R3HDM1: variants seen among roughly 807,000 people sequenced by gnomAD.
R3HDM1 encodes the protein R3H domain-containing protein 1.
R3HDM1 carries 46 observed loss-of-function variants against 141.1 expected under a neutral mutation model. The ratio of observed to expected loss-of-function variants is 0.33; its 90% CI spans 0.26 to 0.42. The LOEUF (loss-of-function observed/expected upper bound fraction) is 0.42. R3HDM1 is among the 10% of genes least tolerant of loss of function. R3HDM1 has a pLI of 1.00. For synonymous variants in R3HDM1, 435 were observed against 472.9 expected, an observed-to-expected ratio of 0.92 and a Z score of 1.04; for missense variants, 1,184 against 1,368.3, an observed-to-expected ratio of 0.87 and a Z score of 2.12.
At chr2:135,600,128 T>TG (rs1491429918) in intron 1 of R3HDM1, among the ~76,000 whole-genome samples, 3 of 139,726 alleles carry the variant, frequency 2.1e-5, no homozygotes, top group African/African-American at 8.3e-5. Context: ...TTTTTTTTTT[T>TG]GTAGAGATAG....
chr2:135,591,453 A>T (rs976139121), intron 1 of R3HDM1, among the ~76,000 whole-genome samples: 22 of 152,208 alleles, frequency 1.4e-4, no homozygotes, highest in Non-Finnish European at 2.9e-4. Context: ...AAATAGTCCA[A>T]CACTTGCCAA....
chr2:135,665,094 A>G (rs1486328385), intron 19 of R3HDM1, among the ~76,000 whole-genome samples: 2 of 152,260 alleles, frequency 1.3e-5, no homozygotes, highest in East Asian at 3.8e-4. Context: ...CCAACTGTCA[A>G]TAACTGGAGT....
chr2:135,596,979 TTC>T (rs2059247317), intron 1 of R3HDM1: 2 of 967,646 alleles, frequency 2.1e-6, no homozygotes, highest in Admixed American at 6.2e-5. Flanking sequence ...ACAAATTGTT[TTC>T]TAAAGTGGAT....
chr2:135,641,699 G>A lies in R3HDM1; in HGVS notation c.1383G>A (p.Gly461=), dbSNP rs766146455. 14 of 1,614,096 alleles carry A rather than the reference G, an allele frequency of 8.7e-6. No individual in the cohort carries two copies. Among genetic ancestry groups the A allele is most frequent in the Non-Finnish European group, 1.1e-5 (13 of 1,180,010 alleles). The change falls in exon 15 of 27, where the codon GGG becomes GGA. Residue 461 remains glycine, a synonymous_variant. Coordinates refer to ENST00000683871, the MANE Select transcript of R3HDM1 (RefSeq NM_001378107.1). ...TTTCCTTTGATGGTGGCCTAAATGGGCAAGTCGCATCTCCTAGCACTAGCT... is the reference window on the plus strand; with the variant it reads ...TTTCCTTTGATGGTGGCCTAAATGGACAAGTCGCATCTCCTAGCACTAGCT... ...SSLSFDGGLN[G]QVASPSTSFF...
At chr2:135,594,419 A>T (rs1361648910) in intron 1 of R3HDM1, among the ~76,000 whole-genome samples, 1 of 152,106 alleles carries the variant, frequency 6.6e-6, no homozygotes, top group African/African-American at 2.4e-5. Flanking sequence ...CATCACTCTC[A>T]CTCATTACAA....
intron 2 of R3HDM1, among the ~76,000 whole-genome samples, chr2:135,603,089 C>T (rs1021726847): frequency 2.3e-4 from 35 of 152,152 alleles, no homozygotes; most frequent in Non-Finnish European, 3.5e-4. Context: ...CCAAGCAATT[C>T]TCCTGCCTCA....
At chr2:135,618,506 G>C in intron 5 of R3HDM1, among the ~76,000 whole-genome samples, 1 of 144,952 alleles carries the variant, frequency 6.9e-6, no homozygotes, top group Non-Finnish European at 1.5e-5. Context: ...ATAGGAGATA[G>C]CTGTATGCAT....
At chr2:135,540,363 A>G (rs2104892476) in intron 1 of R3HDM1, among the ~76,000 whole-genome samples, 1 of 152,332 alleles carries the variant, frequency 6.6e-6, no homozygotes, top group Middle Eastern at 3.4e-3. Flanking sequence ...AACTTCACAG[A>G]TGCGTAGGTG....
At chr2:135,631,395 G>A (rs2062698994) in intron 7 of R3HDM1, among the ~76,000 whole-genome samples, 1 of 150,358 alleles carries the variant, frequency 6.7e-6, no homozygotes, top group South Asian at 2.1e-4. Flanking sequence ...TTCCTTCGTT[G>A]TGTGTAAGCA....
intron 1 of R3HDM1, chr2:135,584,301 C>G (rs751817265): frequency 2.8e-5 from 22 of 781,534 alleles, no homozygotes; most frequent in Non-Finnish European, 3.1e-5. Flanking sequence ...GCTCTCCAGC[C>G]TGGGTGACAG....
chr2:135,567,968 T>C (rs927596738), intron 1 of R3HDM1, among the ~76,000 whole-genome samples: 2 of 147,360 alleles, frequency 1.4e-5, no homozygotes, highest in Non-Finnish European at 3.0e-5. Flanking sequence ...ACCAGCCTGG[T>C]CTCGAACTCC....
intron 18 of R3HDM1, among the ~76,000 whole-genome samples, chr2:135,656,911 T>C (rs564341310): frequency 1.5e-4 from 23 of 151,678 alleles, no homozygotes; most frequent in African/African-American, 5.6e-4. Context: ...CTGGCCAACG[T>C]GGCGAAACCC....
chr2:135,661,161 T>C (rs957787403), intron 18 of R3HDM1, 109 bp from the exon 19 acceptor site: 1 of 1,305,526 alleles, frequency 7.7e-7, no homozygotes. Flanking sequence ...AGTTTTCCAA[T>C]GATTAGTGCT....
chr2:135,723,209 C>T (rs1280784777), intron 26 of R3HDM1, among the ~76,000 whole-genome samples: 1 of 151,664 alleles, frequency 6.6e-6, no homozygotes, highest in Non-Finnish European at 1.5e-5. Context: ...GCAACCTCCA[C>T]CTCCCAGGTT....
intron 17 of R3HDM1, chr2:135,650,631 C>G: frequency 2.0e-6 from 2 of 981,580 alleles, no homozygotes; most frequent in Non-Finnish European, 1.2e-6. Flanking sequence ...AATTACAGTT[C>G]ATAGGTACAT....
intron 19 of R3HDM1, chr2:135,669,154 G>T: frequency 3.0e-6 from 3 of 984,572 alleles, no homozygotes; most frequent in Non-Finnish European, 3.6e-6. Context: ...TTATAGTAAG[G>T]CAAGGAAGTG....
chr2:135,535,357 G>A (rs569740259), intron 1 of R3HDM1, among the ~76,000 whole-genome samples: 108 of 152,042 alleles, frequency 7.1e-4, no homozygotes, highest in African/African-American at 2.4e-3. Context: ...AAATTAGTAG[G>A]GCGTGTTGGC....
chr2:135,678,784 A>G (rs2069679106), intron 20 of R3HDM1, among the ~76,000 whole-genome samples: 1 of 125,662 alleles, frequency 8.0e-6, no homozygotes, highest in East Asian at 2.3e-4. Context: ...TTTTGGAGAC[A>G]GAGTCTCACT....
At chr2:135,693,565 G>A (rs186375337) in intron 21 of R3HDM1, among the ~76,000 whole-genome samples, 133 of 152,302 alleles carry the variant, frequency 8.7e-4, no homozygotes, top group Non-Finnish European at 1.5e-3. Context: ...CCTTGAGATA[G>A]TATGTGGTAA....
Sources: gnomAD v4.1 joint callset for allele counts (sites outside exome capture counted in the v4.1 genomes callset) on GRCh38, gnomAD v4.1.1 for gene constraint, MANE v1.5 for transcripts, NCBI Gene and HGNC (gene_info 2026-07-23, HGNC 2026-07-21) for gene names.